Variants in LHFPL2 observed in about 807,000 individuals in gnomAD.
The protein encoded by LHFPL2 is LHFPL tetraspan subfamily member 2 protein.
A neutral mutation model predicts 17.5 loss-of-function variants in LHFPL2; 7 were observed. The observed-to-expected ratio is 0.40, with a 90% CI of 0.23 to 0.75. The LOEUF is 0.75. Among genes scored for constraint, LHFPL2 ranks in the 30% least tolerant of loss-of-function variants. The pLI, the probability that LHFPL2 is intolerant of heterozygous loss-of-function variation, is 0.37. For missense variants in LHFPL2, 241 were observed against 294.8 expected (o/e 0.82, Z 1.34); for synonymous variants, 134 against 116.2 (o/e 1.15, Z -0.99).
Position 78,490,013 on chromosome 5 carries a change from TAGTGCTTTA to T in LHFPL2, c.431-869_431-861del, listed in dbSNP as rs1754384911. On this transcript the variant is annotated intron_variant, in intron 4 of 4. Coordinates refer to ENST00000380345, the MANE Select transcript of LHFPL2 (RefSeq NM_005779.3). ...GGAGACCAGGTCTTTACCTGATTGT[TAGTGCTTTA>T]AGTAAGCCAGATGTTTCTGTATTTA... 2.0e-5 allele frequency among the ~76,000 whole-genome samples: 3 copies of T among 152,350 alleles called. No homozygotes were observed. The South Asian group carries it at 6.2e-4, about 32-fold the overall frequency.
At chr5:78,562,327 C>T (rs1364332291) in intron 3 of LHFPL2, among the ~76,000 whole-genome samples, 1 of 152,210 alleles carries the variant, frequency 6.6e-6, no homozygotes, top group African/African-American at 2.4e-5. Flanking sequence ...GACGGAACCT[C>T]TGCCAAGGAC....
At chr5:78,584,821 G>C (rs896281489) in intron 2 of LHFPL2, among the ~76,000 whole-genome samples, 6 of 152,100 alleles carry the variant, frequency 3.9e-5, no homozygotes, top group African/African-American at 1.2e-4. Flanking sequence ...CCCTGTTGGA[G>C]CTTCCTGGCT....
At chr5:78,526,481 G>A (rs1019413086) in intron 3 of LHFPL2, among the ~76,000 whole-genome samples, 1 of 152,194 alleles carries the variant, frequency 6.6e-6, no homozygotes, top group Non-Finnish European at 1.5e-5. Context: ...TGTCTTTGCG[G>A]TCTTCTTCTG....
rs539201206 is a variant in LHFPL2, at chr5:78,603,396, G to A, written c.-245+28868C>T. Among the ~76,000 whole-genome samples, 110 of 152,294 alleles carry A rather than the reference G, an allele frequency of 7.2e-4. 1 individual carries two copies. Among genetic ancestry groups the A allele is most frequent in the African/African-American group, 2.6e-3 (109 of 41,568 alleles). The stretch of plus-strand genomic sequence containing the variant: ...TAAAAAGGGTTTAAACCTCCAAGTC[G>A]ATTCTTTTTTCCTTCCAGTTGTTTT... On this transcript the variant is annotated intron_variant, in intron 2 of 4. Transcript: ENST00000380345.
intron 2 of LHFPL2, among the ~76,000 whole-genome samples, chr5:78,605,602 G>A (rs1312465601): frequency 6.6e-6 from 1 of 152,126 alleles, no homozygotes; most frequent in Non-Finnish European, 1.5e-5. Flanking sequence ...TCTAAGATAA[G>A]TGAAATCAAA....
chr5:78,561,387 T>C (rs1756722327), intron 3 of LHFPL2, among the ~76,000 whole-genome samples: 1 of 152,176 alleles, frequency 6.6e-6, no homozygotes, highest in Non-Finnish European at 1.5e-5. Flanking sequence ...GGTGCAGGTA[T>C]AGCGCTTTCA....
chr5:78,510,489 C>A (rs1755083020), intron 3 of LHFPL2, 91 bp from the exon 4 acceptor site: 1 of 433,730 alleles, frequency 2.3e-6, no homozygotes, highest in East Asian at 4.0e-5. Flanking sequence ...GGCCCGTGCC[C>A]GCAGAACCCT....
intron 2 of LHFPL2, among the ~76,000 whole-genome samples, chr5:78,588,977 A>C: frequency 6.6e-6 from 1 of 152,168 alleles, no homozygotes; most frequent in East Asian, 1.9e-4. Flanking sequence ...ATATTGTTAC[A>C]TATCTCATTT....
chr5:78,542,477 G>A (rs997174091), intron 3 of LHFPL2, among the ~76,000 whole-genome samples: 2 of 152,162 alleles, frequency 1.3e-5, no homozygotes, highest in African/African-American at 4.8e-5. Flanking sequence ...TGCATCCCGG[G>A]GGCTGGGAGG....
At chr5:78,599,558 C>T (rs947922916) in intron 2 of LHFPL2, among the ~76,000 whole-genome samples, 2 of 151,876 alleles carry the variant, frequency 1.3e-5, no homozygotes, top group Non-Finnish European at 1.5e-5. Context: ...TGATCCACCT[C>T]GGCCTCCCAA....
intron 3 of LHFPL2, among the ~76,000 whole-genome samples, chr5:78,542,961 T>C (rs1756158147): frequency 6.6e-6 from 1 of 152,116 alleles, no homozygotes; most frequent in Non-Finnish European, 1.5e-5. Context: ...CCCAAGAAAT[T>C]ATTTTTTCCT....
At chr5:78,492,576 C>G (rs1754480740) in intron 4 of LHFPL2, among the ~76,000 whole-genome samples, 1 of 152,230 alleles carries the variant, frequency 6.6e-6, no homozygotes, top group South Asian at 2.1e-4. Flanking sequence ...CTGAGGCGCT[C>G]CCTTTTCTAA....
intron 3 of LHFPL2, among the ~76,000 whole-genome samples, chr5:78,538,025 T>C (rs1017214341): frequency 1.3e-5 from 2 of 152,112 alleles, no homozygotes; most frequent in Non-Finnish European, 2.9e-5. Context: ...CACAGTACTT[T>C]CCCCCACTCA....
At chr5:78,501,420 G>C (rs1754769031) in intron 4 of LHFPL2, among the ~76,000 whole-genome samples, 1 of 152,190 alleles carries the variant, frequency 6.6e-6, no homozygotes, top group Non-Finnish European at 1.5e-5. Context: ...CTGGCTGAGG[G>C]CCCTTCTGCG....
intron 1 of LHFPL2, among the ~76,000 whole-genome samples, chr5:78,645,543 T>TACACATACACAC (rs71613976): frequency 1.4e-4 from 19 of 137,236 alleles, no homozygotes; most frequent in Admixed American, 2.9e-4. Context: ...GACAGATGCA[T>TACACATACACAC]ACACACACAC....
chr5:78,500,492 TG>T (rs1281291509), intron 4 of LHFPL2, among the ~76,000 whole-genome samples: 1 of 152,018 alleles, frequency 6.6e-6, no homozygotes, highest in Non-Finnish European at 1.5e-5. Context: ...CACCGAGGGT[TG>T]GGGGGAGGCA....
intron 3 of LHFPL2, among the ~76,000 whole-genome samples, chr5:78,559,327 T>C (rs1756662880): frequency 6.6e-6 from 1 of 152,234 alleles, no homozygotes; most frequent in African/African-American, 2.4e-5. Flanking sequence ...TATCAGGCAC[T>C]GTGCTGGATA....
intron 4 of LHFPL2, among the ~76,000 whole-genome samples, chr5:78,509,562 C>A (rs905801049): frequency 6.6e-6 from 1 of 152,174 alleles, no homozygotes; most frequent in African/African-American, 2.4e-5. Flanking sequence ...CCACGTAAGA[C>A]CAGAGAACAA....
rs571004175 is a variant in LHFPL2 at position 78,600,715 on chromosome 5, C to T, written c.-245+31549G>A. 2.6e-3 allele frequency among the ~76,000 whole-genome samples: 400 copies of T among 152,156 alleles called. 1 individual carries two copies. Among genetic ancestry groups the T allele is most frequent in the African/African-American group, 9.1e-3 (378 of 41,504 alleles). On this transcript the variant is annotated intron_variant, in intron 2 of 4. Transcript: ENST00000380345. ...TGCACTGCAGCCTGGGCAACAAGAG[C>T]GAAACTCCGTCTCAAAATAAATAAA...
Sources: gnomAD v4.1 joint callset for allele counts (sites outside exome capture counted in the v4.1 genomes callset) on GRCh38, gnomAD v4.1.1 for gene constraint, MANE v1.5 for transcripts, NCBI Gene and HGNC (gene_info 2026-07-23, HGNC 2026-07-21) for gene names.